The following PLIN2 variants were observed in gnomAD, a reference collection of about 807,000 sequenced individuals.
The protein encoded by PLIN2 is perilipin-2.
PLIN2 carries 33 observed loss-of-function variants against 30.6 expected under a neutral mutation model. The ratio of observed to expected loss-of-function variants is 1.08; its 90% CI spans 0.82 to 1.44. The LOEUF (loss-of-function observed/expected upper bound fraction) is 1.44, where lower values mean the gene tolerates loss of function less well. Among genes scored for constraint, PLIN2 ranks in the 40% most tolerant of loss-of-function variants. PLIN2 has a pLI of 0.00. For missense variants in PLIN2, 610 were observed against 531.8 expected (o/e 1.15, Z -1.45); for synonymous variants, 205 against 201.1 (o/e 1.02, Z -0.16).
chr9:19,121,959 AT>A (rs1818325021), intron 4 of PLIN2, among the ~76,000 whole-genome samples: 2 of 152,016 alleles, frequency 1.3e-5, no homozygotes, highest in East Asian at 1.9e-4. Context: ...GACAAAAAAA[AT>A]TAGCTGGGTG....
intron 4 of PLIN2, among the ~76,000 whole-genome samples, chr9:19,122,752 C>G (rs1023051693): frequency 2.6e-5 from 4 of 152,142 alleles, no homozygotes; most frequent in Non-Finnish European, 4.4e-5. Context: ...CCCTAACCCT[C>G]TTGTGAACTG....
chr9:19,117,498 T>C (rs1352573409), intron 7 of PLIN2, among the ~76,000 whole-genome samples: 2 of 152,094 alleles, frequency 1.3e-5, no homozygotes, highest in Non-Finnish European at 2.9e-5. Flanking sequence ...GGTCACCTTA[T>C]TGCCCTTTCA....
exon 3 of PLIN2, chr9:19,108,422 A>C (rs985864183): frequency 2.0e-5 from 3 of 152,216 alleles, no homozygotes; most frequent in Non-Finnish European, 4.4e-5. Context: ...TTAAACTTTA[A>C]TTATATTAAA....
intron 2 of PLIN2, chr9:19,108,817 A>G (rs922127445): frequency 6.6e-6 from 1 of 152,598 alleles, no homozygotes; most frequent in Non-Finnish European, 1.5e-5. Context: ...ATCTGAGCTC[A>G]TGGAGACTTT....
At chr9:19,110,468 CG>C (rs776304898) in intron 2 of PLIN2, among the ~76,000 whole-genome samples, 6,079 of 151,928 alleles carry the variant, frequency 0.04, 176 homozygotes, top group Non-Finnish European at 0.057. Context: ...CATTGGATTT[CG>C]TTTTGTTTTG....
chr9:19,108,454 G>A (rs185426912), exon 3 of PLIN2: 1 of 152,312 alleles, frequency 6.6e-6, no homozygotes, highest in East Asian at 1.9e-4. Context: ...CACAGAACTA[G>A]GATCTCTTAC....
At chr9:19,122,022 T>C (rs919323582) in intron 4 of PLIN2, among the ~76,000 whole-genome samples, 11 of 143,064 alleles carry the variant, frequency 7.7e-5, no homozygotes, top group African/African-American at 2.6e-4. Context: ...AGCAGGACAA[T>C]TGCTTGAACC....
At chr9:19,117,507 C>T (rs1308024186) in intron 7 of PLIN2, among the ~76,000 whole-genome samples, 1 of 152,038 alleles carries the variant, frequency 6.6e-6, no homozygotes, top group Non-Finnish European at 1.5e-5. Context: ...ATTGCCCTTT[C>T]ACCTAGTTTA....
downstream of PLIN2, among the ~76,000 whole-genome samples, chr9:19,111,406 G>C (rs924417944): frequency 6.6e-6 from 1 of 152,128 alleles, no homozygotes; most frequent in Middle Eastern, 3.2e-3. Context: ...CAAATTCAAC[G>C]AAGTATAGGC....
At chr9:19,121,251 G>T in intron 4 of PLIN2, 86 bp from the exon 5 acceptor site, 1 of 1,223,400 alleles carries the variant, frequency 8.2e-7, no homozygotes, top group Non-Finnish European at 1.2e-6. Context: ...CAGCACAGCT[G>T]AAGAGTTAAA....
At chr9:19,119,882 T>G in intron 5 of PLIN2, 51 bp from the exon 6 acceptor site, 1 of 1,214,934 alleles carries the variant, frequency 8.2e-7, no homozygotes, top group African/African-American at 1.5e-5. Flanking sequence ...CAGTGACAAG[T>G]GATAAGGCCT....
At chr9:19,117,126 C>T (rs992038585) in intron 7 of PLIN2, among the ~76,000 whole-genome samples, 3 of 152,008 alleles carry the variant, frequency 2.0e-5, no homozygotes, top group Middle Eastern at 3.4e-3. Flanking sequence ...CCCTGCTTCC[C>T]TTCCTTTTTC....
chr9:19,113,632 G>T (rs1433453773), downstream of PLIN2, among the ~76,000 whole-genome samples: 2 of 149,644 alleles, frequency 1.3e-5, no homozygotes, highest in African/African-American at 4.9e-5. Flanking sequence ...GGAGTGCAGT[G>T]TCACAATCTC....
downstream of PLIN2, among the ~76,000 whole-genome samples, chr9:19,110,844 A>G (rs1227319845): frequency 2.0e-5 from 3 of 152,178 alleles, no homozygotes; most frequent in Non-Finnish European, 4.4e-5. Context: ...CTAAAAACCT[A>G]GAAAGTATAT....
Position 19,115,978 on chromosome 9 carries a change from A to G in PLIN2, c.*270T>C, listed in dbSNP as rs62563648. On this transcript the variant is annotated 3_prime_UTR_variant, in exon 8 of 8. Coordinates refer to ENST00000276914, the MANE Select transcript of PLIN2 (RefSeq NM_001122.4). ...CAGTAACAGAGGCAACACAATGGCCATAGAATGAGAACATAAGTGCATTTG... is the reference window on the plus strand; with the variant it reads ...CAGTAACAGAGGCAACACAATGGCCGTAGAATGAGAACATAAGTGCATTTG... 199 of 310,818 alleles carry G rather than the reference A, an allele frequency of 6.4e-4. No individual in the cohort carries two copies. Among genetic ancestry groups the G allele is most frequent in the African/African-American group, 2.3e-3 (106 of 46,892 alleles). The allele number at this position is 310,818 out of a possible 1,614,324, so 19.3% of individuals were successfully genotyped here. A position where few individuals can be genotyped will look rare whatever the true frequency, so the allele number is the denominator to read the frequency against.
At position 19,116,181 on chromosome 9, in the gene PLIN2, G is replaced by C; in HGVS notation, c.*67C>G. The C allele has an allele frequency of 6.9e-7, 1 of 1,456,444 alleles. No individual in the cohort carries two copies. Among genetic ancestry groups the C allele is most frequent in the Non-Finnish European group, 9.2e-7 (1 of 1,087,970 alleles). The allele number at this position is 1,456,444 out of a possible 1,614,324, so 90.2% of individuals were successfully genotyped here. On this transcript the variant is annotated 3_prime_UTR_variant, in exon 8 of 8. Coordinates refer to ENST00000276914, the MANE Select transcript of PLIN2 (RefSeq NM_001122.4). The stretch of plus-strand genomic sequence containing the variant: ...TTCCCAATTTAGGGTTGCCTAGCAA[G>C]TTAATTTCAACATAACAAAAGGTGT...
At chr9:19,125,919 T>C in intron 3 of PLIN2, 195 bp downstream of exon 3, 2 of 446,696 alleles carry the variant, frequency 4.5e-6, no homozygotes, top group East Asian at 3.3e-5. Context: ...TGAGACTCCA[T>C]CTCAAAAAAA....
chr9:19,118,364 C>G lies in PLIN2; in HGVS notation c.869G>C (p.Arg290Thr), dbSNP rs375075126. 1.9e-6 allele frequency: 3 copies of G among 1,613,666 alleles called. No individual in the cohort carries two copies. The highest frequency in any genetic ancestry group is 2.7e-5 in the African/African-American group (2 of 74,912). Residue 290 changes from arginine to threonine, a missense_variant, in exon 7 of 8, where the codon AGG becomes ACG. Coordinates refer to ENST00000276914, the MANE Select transcript of PLIN2 (RefSeq NM_001122.4). ...KLYLSWVEWK[R>T]SIGYDDTDES... is the part of the protein sequence containing the mutation. ...ATCAGTATCATCATATCCAATGCTC[C>G]TTTTCCACTCTACCCATGAGAGGTA...
At chr9:19,110,025 T>G (rs1818138653) in intron 2 of PLIN2, among the ~76,000 whole-genome samples, 1 of 151,966 alleles carries the variant, frequency 6.6e-6, no homozygotes, top group African/African-American at 2.4e-5. Context: ...TGTGGGTTTT[T>G]TTGTTTTGTT....
Sources: gnomAD v4.1 joint callset for allele counts (sites outside exome capture counted in the v4.1 genomes callset) on GRCh38, gnomAD v4.1.1 for gene constraint, MANE v1.5 for transcripts, NCBI Gene and HGNC (gene_info 2026-07-23, HGNC 2026-07-21) for gene names.